Variants in FBXL20 observed in about 807,000 individuals in gnomAD.
The protein encoded by FBXL20 is F-box and leucine rich repeat protein 20, also known as F-box/LRR-repeat protein 20.
A neutral mutation model predicts 64.0 loss-of-function variants in FBXL20; 11 were observed. The ratio of observed to expected loss-of-function variants is 0.17; its 90% CI spans 0.11 to 0.28. The LOEUF (loss-of-function observed/expected upper bound fraction) is 0.28. FBXL20 is among the 10% of genes least tolerant of loss of function. The pLI, the probability that FBXL20 is intolerant of heterozygous loss-of-function variation, is 1.00. For missense variants in FBXL20, 303 were observed against 526.2 expected (o/e 0.58, Z 4.15); for synonymous variants, 184 against 189.0 (o/e 0.97, Z 0.22).
intron 3 of FBXL20, among the ~76,000 whole-genome samples, chr17:39,303,213 T>C (rs185356772): frequency 6.6e-6 from 1 of 151,046 alleles, no homozygotes; most frequent in Non-Finnish European, 1.5e-5. Context: ...TGGATGTTAC[T>C]ACAGGAAAAT....
At chr17:39,351,057 A>C (rs2047682617) in intron 1 of FBXL20, among the ~76,000 whole-genome samples, 1 of 152,210 alleles carries the variant, frequency 6.6e-6, no homozygotes. Flanking sequence ...TCCTAAAGCC[A>C]AGCATAGTGG....
In FBXL20 at chr17:39,255,272, C is replaced by A; in HGVS notation, c.*6188G>T. The A allele has an allele frequency of 6.6e-6, 1 of 151,916 alleles. No homozygotes were observed. The highest frequency in any genetic ancestry group is 1.5e-5 in the Non-Finnish European group (1 of 68,060). 9.4% of individuals were successfully genotyped at this position (151,916 alleles called of 1,614,324 possible). On this transcript the variant is annotated 3_prime_UTR_variant, in exon 15 of 15. Transcript: ENST00000264658. ...CTAACAGGGTGAAACCCCGTCTCTACTAAAAATACAAAAAATTAGCCGGGC... is the reference window on the plus strand; with the variant it reads ...CTAACAGGGTGAAACCCCGTCTCTAATAAAAATACAAAAAATTAGCCGGGC...
chr17:39,310,678 A>G (rs778887214), intron 2 of FBXL20, among the ~76,000 whole-genome samples: 2 of 151,672 alleles, frequency 1.3e-5, no homozygotes, highest in Admixed American at 6.6e-5. Context: ...GTGAGACCCT[A>G]TCTCTACAAA....
chr17:39,331,752 C>A (rs183321999), intron 2 of FBXL20, among the ~76,000 whole-genome samples: 165 of 152,310 alleles, frequency 1.1e-3, no homozygotes, highest in African/African-American at 3.7e-3. Flanking sequence ...TAAAGAACAT[C>A]GGTTGTCATC....
At chr17:39,360,027 T>C (rs557722943) in intron 1 of FBXL20, among the ~76,000 whole-genome samples, 1 of 152,242 alleles carries the variant, frequency 6.6e-6, no homozygotes, top group East Asian at 1.9e-4. Context: ...ATTATGTTGT[T>C]TTATGATTAT....
At position 39,255,908 on chromosome 17, in the gene FBXL20, G is replaced by A. The variant is rs1452533007; in HGVS notation, c.*5552C>T. 3 of 152,056 alleles carry A rather than the reference G, an allele frequency of 2.0e-5. No homozygotes were observed. The highest frequency in any genetic ancestry group is 2.9e-5 in the Non-Finnish European group (2 of 68,030). The allele number at this position is 152,056 out of a possible 1,614,324, so 9.4% of individuals were successfully genotyped here. A position where few individuals can be genotyped will look rare whatever the true frequency, so the allele number is the denominator to read the frequency against. ...ATGTTCTTTGCTGGAGAATCAAAAT[G>A]TCAAGTTAGGGCACTCGGATACAAC... On this transcript the variant is annotated 3_prime_UTR_variant, in exon 15 of 15. Coordinates refer to ENST00000264658, the MANE Select transcript of FBXL20 (RefSeq NM_032875.3).
intron 1 of FBXL20, among the ~76,000 whole-genome samples, chr17:39,384,889 G>T (rs2048062667): frequency 6.6e-6 from 1 of 152,158 alleles, no homozygotes; most frequent in African/African-American, 2.4e-5. Context: ...AGCGGAGGTT[G>T]CAGTGAGCCA....
intron 2 of FBXL20, among the ~76,000 whole-genome samples, chr17:39,333,827 C>A (rs1378098477): frequency 1.3e-5 from 2 of 151,728 alleles, no homozygotes; most frequent in East Asian, 1.9e-4. Context: ...AGTGTCTCTG[C>A]CCCGCCGCCA....
Position 39,401,589 on chromosome 17 carries a change from G to A in FBXL20, c.-187C>T. 1 of 1,403,824 alleles carries A rather than the reference G, an allele frequency of 7.1e-7. No individual in the cohort carries two copies. Among genetic ancestry groups the A allele is most frequent in the Non-Finnish European group, 9.2e-7 (1 of 1,087,450 alleles). The allele number at this position is 1,403,824 out of a possible 1,614,324, so 87.0% of individuals were successfully genotyped here. A position where few individuals can be genotyped will look rare whatever the true frequency, so the allele number is the denominator to read the frequency against. ...CTCCACCACCTCCCGCGGCGCCGGC[G>A]GCCGCAACGACTGCTCGTCGCTAGC... On this transcript the variant is annotated 5_prime_UTR_variant, in exon 1 of 15. Coordinates refer to ENST00000264658, the MANE Select transcript of FBXL20 (RefSeq NM_032875.3).
chr17:39,388,486 T>C (rs75014457), intron 1 of FBXL20, among the ~76,000 whole-genome samples: 1 of 150,772 alleles, frequency 6.6e-6, no homozygotes, highest in Non-Finnish European at 1.5e-5. Flanking sequence ...TTTTTTTTTT[T>C]TAATTTTTTT....
At chr17:39,397,484 C>G (rs371433437) in intron 1 of FBXL20, among the ~76,000 whole-genome samples, 1 of 151,820 alleles carries the variant, frequency 6.6e-6, no homozygotes, top group Non-Finnish European at 1.5e-5. Context: ...TTTAATAAAC[C>G]CATTAAGACA....
At chr17:39,393,853 G>A (rs970189388) in intron 1 of FBXL20, among the ~76,000 whole-genome samples, 12 of 152,122 alleles carry the variant, frequency 7.9e-5, no homozygotes, top group Admixed American at 7.2e-4. Flanking sequence ...TATTAAATAC[G>A]TATCTTTGTT....
chr17:39,284,938 CTTTT>C (rs2046976066), intron 7 of FBXL20, among the ~76,000 whole-genome samples: 4 of 32,028 alleles, frequency 1.2e-4, no homozygotes, highest in Non-Finnish European at 1.6e-4. Context: ...CCCTTTCTTT[CTTTT>C]TTTTTGTTTT....
upstream of FBXL20, chr17:39,402,251 G>A (rs866333078): frequency 4.5e-5 from 53 of 1,175,166 alleles, no homozygotes; most frequent in Middle Eastern, 3.2e-4. Flanking sequence ...GTCTAGATTG[G>A]GGCAGTGCGG....
At chr17:39,377,128 G>C (rs1381157732) in intron 1 of FBXL20, among the ~76,000 whole-genome samples, 5 of 152,134 alleles carry the variant, frequency 3.3e-5, no homozygotes, top group African/African-American at 1.2e-4. Context: ...TGAAGCTGGA[G>C]GCTACAAGAT....
chr17:39,324,205 G>A (rs1597798272), intron 2 of FBXL20, among the ~76,000 whole-genome samples: 1 of 149,960 alleles, frequency 6.7e-6, no homozygotes, highest in East Asian at 1.9e-4. Flanking sequence ...TTAAAATGCA[G>A]ATTCCTGGGT....
chr17:39,370,989 C>A (rs773998968), intron 1 of FBXL20, among the ~76,000 whole-genome samples: 1 of 151,998 alleles, frequency 6.6e-6, no homozygotes, highest in Non-Finnish European at 1.5e-5. Context: ...GAGGCTGAGG[C>A]GGGTGGATCA....
rs376560769 is a variant in FBXL20 at position 39,306,252 on chromosome 17, G to A, written c.105-2613C>T. 7.9e-4 allele frequency among the ~76,000 whole-genome samples: 120 copies of A among 151,352 alleles called. 1 individual carries two copies. Among genetic ancestry groups the A allele is most frequent in the African/African-American group, 2.8e-3 (117 of 41,262 alleles). The stretch of plus-strand genomic sequence containing the variant: ...TGCAACCTCAGCCTCTTGGGGTCAC[G>A]TGATTCGCCTGTCTCAGCCTTCCGA... On this transcript the variant is annotated intron_variant, in intron 2 of 14. Coordinates refer to ENST00000264658, the MANE Select transcript of FBXL20 (RefSeq NM_032875.3).
chr17:39,395,202 A>G (rs1362500342), intron 1 of FBXL20, among the ~76,000 whole-genome samples: 1 of 152,200 alleles, frequency 6.6e-6, no homozygotes, highest in African/African-American at 2.4e-5. Context: ...AGGTGGGCAG[A>G]TCACCTGAGG....
Sources: allele counts gnomAD v4.1 joint callset (sites outside exome capture counted in the v4.1 genomes callset), GRCh38; gene constraint gnomAD v4.1.1; transcripts MANE v1.5; gene names NCBI Gene and HGNC (gene_info 2026-07-23, HGNC 2026-07-21).